The following TP53I11 variants were observed in gnomAD, a reference collection of about 807,000 sequenced individuals.
The protein encoded by TP53I11 is tumor protein p53 inducible protein 11, also known as tumor protein p53-inducible protein 11.
A neutral mutation model predicts 23.3 loss-of-function variants in TP53I11; 9 were observed. That is an observed-to-expected ratio of 0.39 (90% confidence interval 0.23 to 0.67). The LOEUF is 0.67. Ranked by LOEUF, TP53I11 falls within the 30% of genes least tolerant of loss-of-function variation. The pLI is 0.48. For missense variants in TP53I11, 170 were observed against 255.2 expected (o/e 0.67, Z 2.27); for synonymous variants, 100 against 106.1 (o/e 0.94, Z 0.35).
At chr11:44,940,373 T>C (rs1020099163) in intron 1 of TP53I11, 1 of 152,286 alleles carries the variant, frequency 6.6e-6, no homozygotes, top group Non-Finnish European at 1.5e-5. Flanking sequence ...CAACGAGCAG[T>C]TCCATCACCC....
rs1861291691 is a variant in TP53I11 at position 44,937,556 on chromosome 11, T to G, written c.187A>C (p.Arg63=). 6.2e-7 allele frequency: 1 copy of G among 1,613,602 alleles called. No homozygotes were observed. Among genetic ancestry groups the G allele is most frequent in the African/African-American group, 1.3e-5 (1 of 74,918 alleles). The stretch of plus-strand genomic sequence containing the variant: ...CCAAAAAGTCAGGTAAATGCTCACC[T>G]GAGCCCCAAAGGCTCCCGAATGGTA... ...KFTIREPLGL[R]VWQFVSAVLF... is the part of the protein sequence containing the mutation. The change falls in exon 3 of 7, where the codon AGG becomes CGG. Residue 63 remains arginine (R), a splice_region_variant and synonymous_variant. Coordinates refer to ENST00000525680, the MANE Select transcript of TP53I11 (RefSeq NM_006034.5).
chr11:44,947,539 C>T (rs1467333074), intron 1 of TP53I11, among the ~76,000 whole-genome samples: 1 of 152,214 alleles, frequency 6.6e-6, no homozygotes, highest in Non-Finnish European at 1.5e-5. Context: ...CCCGTTTCTT[C>T]AAAAGCAAGC....
intron 1 of TP53I11, among the ~76,000 whole-genome samples, 200 bp downstream of exon 1, chr11:44,950,477 G>A (rs1016592103): frequency 6.6e-6 from 1 of 152,048 alleles, no homozygotes; most frequent in Admixed American, 6.5e-5. Context: ...GGGGAGCTGG[G>A]GAGGCGACCC....
At chr11:44,943,534 C>T (rs1218498517) in intron 1 of TP53I11, among the ~76,000 whole-genome samples, 3 of 152,368 alleles carry the variant, frequency 2.0e-5, no homozygotes, top group Admixed American at 2.0e-4. Flanking sequence ...GCCAGCAAAC[C>T]TTTCAACAGT....
intron 1 of TP53I11, among the ~76,000 whole-genome samples, chr11:44,946,449 C>A (rs963245248): frequency 3.5e-4 from 53 of 152,370 alleles, no homozygotes; most frequent in Middle Eastern, 3.4e-3. Context: ...ATCATCTCAG[C>A]ATCACCACTG....
chr11:44,936,219 G>A lies in TP53I11; in HGVS notation c.335-557C>T. The A allele has an allele frequency of 9.7e-7, 1 of 1,029,842 alleles. No homozygotes were observed. Among genetic ancestry groups the A allele is most frequent in the Non-Finnish European group, 1.2e-6 (1 of 860,340 alleles). 63.8% of individuals were successfully genotyped at this position (1,029,842 alleles called of 1,614,324 possible). Reference sequence around the variant, plus strand: ...GTCTGCTGGTACCAGACATGCCACTGGGTGTGCATTTATTTTATTCCAGCA... The same window carrying A: ...GTCTGCTGGTACCAGACATGCCACTAGGTGTGCATTTATTTTATTCCAGCA... On this transcript the variant is annotated intron_variant, in intron 5 of 6. Coordinates refer to ENST00000525680, the MANE Select transcript of TP53I11 (RefSeq NM_006034.5). This position sits in a 1 kb window ranked among gnomAD's most constrained non-coding sequence, Gnocchi z 4.4.
chr11:44,949,564 G>A (rs1174885982), intron 1 of TP53I11, among the ~76,000 whole-genome samples: 1 of 152,186 alleles, frequency 6.6e-6, no homozygotes, highest in Non-Finnish European at 1.5e-5. Flanking sequence ...GCTCCAGGAA[G>A]AGGCGGAAGC....
intron 2 of TP53I11, among the ~76,000 whole-genome samples, chr11:44,937,939 T>C (rs1400692410): frequency 6.6e-6 from 1 of 152,232 alleles, no homozygotes; most frequent in Non-Finnish European, 1.5e-5. Flanking sequence ...TTTCCTCATC[T>C]ATAAAATGGG....
chr11:44,948,217 CTG>C (rs1006023100), intron 1 of TP53I11, among the ~76,000 whole-genome samples: 8 of 152,130 alleles, frequency 5.3e-5, no homozygotes, highest in African/African-American at 1.9e-4. Context: ...CTCTCCTGGC[CTG>C]TGTGTCCTGG....
Position 44,947,644 on chromosome 11 carries a change from G to A in TP53I11, c.-32+3033C>T, listed in dbSNP as rs118041089. On this transcript the variant is annotated intron_variant, in intron 1 of 6. Coordinates refer to ENST00000525680, the MANE Select transcript of TP53I11 (RefSeq NM_006034.5). ...TGGGCCACAACCATAGTCCAGGACT[G>A]AGTGTCTCCCCAATCCTGGGGTGCT... Among the ~76,000 whole-genome samples the A allele has an allele frequency of 5.9e-5, 9 of 152,320 alleles. No individual in the cohort carries two copies. The East Asian group carries it at 1.7e-3, about 29-fold the overall frequency.
At chr11:44,938,488 C>T in intron 1 of TP53I11, 122 bp from the exon 2 acceptor site, 1 of 1,196,318 alleles carries the variant, frequency 8.4e-7, no homozygotes, top group Middle Eastern at 2.6e-4. Flanking sequence ...CCCACGAGCC[C>T]AGGGCAGTAG....
At chr11:44,939,614 G>T (rs1267476382) in intron 1 of TP53I11, among the ~76,000 whole-genome samples, 1 of 152,210 alleles carries the variant, frequency 6.6e-6, no homozygotes, top group Non-Finnish European at 1.5e-5. Flanking sequence ...GAGCCTCCTG[G>T]TGTCTTAAAA....
At chr11:44,937,746 T>A in intron 2 of TP53I11, 133 bp from the exon 3 acceptor site, 1 of 871,946 alleles carries the variant, frequency 1.1e-6, no homozygotes, top group South Asian at 1.6e-5. Context: ...TTCCCCCAGG[T>A]GGGGAGGGTC....
Position 44,935,674 on chromosome 11 carries a change from GAT to G in TP53I11, c.335-14_335-13del. ...GATCAGGGAGATGCCTGGGGCGGGG[GAT>G]GAAAAGGGGGCTGGGGGTGGGACAG... On this transcript the variant is annotated splice_polypyrimidine_tract_variant and intron_variant, in intron 5 of 6. Coordinates refer to ENST00000525680, the MANE Select transcript of TP53I11 (RefSeq NM_006034.5). The G allele has an allele frequency of 6.7e-5, 42 of 626,454 alleles. No individual in the cohort carries two copies. The highest frequency in any genetic ancestry group is 9.2e-5 in the East Asian group (2 of 21,696). The allele number at this position is 626,454 out of a possible 1,614,324, so 38.8% of individuals were successfully genotyped here. A position where few individuals can be genotyped will look rare whatever the true frequency, so the allele number is the denominator to read the frequency against.
intron 1 of TP53I11, among the ~76,000 whole-genome samples, chr11:44,948,807 C>T (rs956106290): frequency 5.9e-5 from 9 of 152,206 alleles, no homozygotes; most frequent in African/African-American, 2.2e-4. Context: ...CTCCCCCATA[C>T]CCCAAGAGGG....
At chr11:44,947,131 G>A (rs772689994) in intron 1 of TP53I11, 3 of 456,078 alleles carry the variant, frequency 6.6e-6, no homozygotes, top group Middle Eastern at 3.5e-4. Flanking sequence ...CTGCTGCTGT[G>A]GGCAAGGGGA....
At chr11:44,940,636 T>C (rs1332737768) in intron 1 of TP53I11, 3 of 152,202 alleles carry the variant, frequency 2.0e-5, no homozygotes, top group African/African-American at 7.2e-5. Context: ...GTGTAACAGC[T>C]TGTTTATCCA....
intron 1 of TP53I11, among the ~76,000 whole-genome samples, chr11:44,947,768 C>T (rs1215462406): frequency 2.0e-5 from 3 of 152,158 alleles, no homozygotes; most frequent in Non-Finnish European, 4.4e-5. Context: ...AGTGACTCTG[C>T]CTCCCTGGGC....
chr11:44,932,986 CTTCGG>C lies in TP53I11; in HGVS notation c.*1893_*1897del, dbSNP rs1249420319. 1 of 152,326 alleles carries C rather than the reference CTTCGG, an allele frequency of 6.6e-6. No individual in the cohort carries two copies. Among genetic ancestry groups the C allele is most frequent in the Admixed American group, 6.5e-5 (1 of 15,288 alleles). The allele number at this position is 152,326 out of a possible 1,614,324, so 9.4% of individuals were successfully genotyped here. On this transcript the variant is annotated 3_prime_UTR_variant, in exon 7 of 7. Coordinates refer to ENST00000525680, the MANE Select transcript of TP53I11 (RefSeq NM_006034.5). ...GCCTGGCTCAGATGGGGGATTGAGG[CTTCGG>C]CCTGAGGGCACTGCCCATTGGCGGC... is the stretch of plus-strand genomic sequence containing the variant.
Sources: gnomAD v4.1 joint callset for allele counts (sites outside exome capture counted in the v4.1 genomes callset) on GRCh38, gnomAD v4.1.1 for gene constraint, Gnocchi (gnomAD v3.1) non-coding constraint, MANE v1.5 for transcripts, NCBI Gene and HGNC (gene_info 2026-07-23, HGNC 2026-07-21) for gene names.